Variants in APC observed in about 807,000 individuals in gnomAD.
APC encodes adenomatous polyposis coli protein.
A neutral mutation model predicts 247.0 loss-of-function variants in APC; 72 were observed. The observed-to-expected ratio is 0.29, with a 90% CI of 0.24 to 0.35. The LOEUF is 0.35. Among genes scored for constraint, APC ranks in the 10% least tolerant of loss-of-function variants. The pLI is 1.00. For synonymous variants in APC, 1,254 were observed against 1,162.5 expected, an observed-to-expected ratio of 1.08 and a Z score of -1.60; for missense variants, 3,400 against 3,360.7, an observed-to-expected ratio of 1.01 and a Z score of -0.29.
intron 1 of APC, among the ~76,000 whole-genome samples, chr5:112,745,677 AC>A (rs1030012226): frequency 2.0e-5 from 3 of 149,112 alleles, no homozygotes; most frequent in Admixed American, 1.3e-4. Context: ...TGTCTTAGCG[AC>A]CCCCCCACCC....
intron 11 of APC, among the ~76,000 whole-genome samples, chr5:112,826,142 TC>T (rs201932449): frequency 0.056 from 8,517 of 152,266 alleles, 444 homozygotes; most frequent in East Asian, 0.15. Context: ...ACTTCCCAGA[TC>T]ACTTATTAAA....
At chr5:112,737,176 A>G (rs1207580115), upstream of APC, among the ~76,000 whole-genome samples, 1 of 152,156 alleles carries the variant, frequency 6.6e-6, no homozygotes, top group African/African-American at 2.4e-5. Flanking sequence ...TGTGTCAGGG[A>G]CTGCTCTAAA....
chr5:112,754,705 C>G (rs1461493289), intron 1 of APC, among the ~76,000 whole-genome samples, 168 bp from the exon 2 acceptor site: 1 of 152,168 alleles, frequency 6.6e-6, no homozygotes, highest in Non-Finnish European at 1.5e-5. Flanking sequence ...GTTTCATCCT[C>G]TTAGATGCTG....
intron 2 of APC, among the ~76,000 whole-genome samples, chr5:112,762,405 A>G (rs879573189): frequency 1.3e-5 from 2 of 152,230 alleles, no homozygotes; most frequent in East Asian, 1.9e-4. Context: ...GTGACATTCT[A>G]AATAATAGCC....
Position 112,819,195 on chromosome 5 carries a change from A to G in APC, c.1163A>G (p.His388Arg), listed in dbSNP as rs1580529980. ...EARARASAAL[H>R]NIIHSQPDDK... is the part of the protein sequence containing the mutation. ...CGGGCCAGGGCCAGTGCAGCACTCC[A>G]CAACATCATTCACTCACAGCCTGAT... The change falls in exon 10 of 16, where the codon CAC (histidine) becomes CGC (arginine). Residue 388 changes from histidine to arginine, a missense_variant. This residue lies in a region of APC where 199 missense variants were observed against 212.5 expected (regional missense o/e 0.94). Coordinates refer to ENST00000257430, the MANE Select transcript of APC (RefSeq NM_000038.6). 2 of 1,613,990 alleles carry G rather than the reference A, an allele frequency of 1.2e-6. No homozygotes were observed. The highest frequency in any genetic ancestry group is 1.3e-5 in the African/African-American group (1 of 75,024).
At chr5:112,731,736 T>G (rs1473622077) in intron 1 of APC, among the ~76,000 whole-genome samples, 1 of 152,196 alleles carries the variant, frequency 6.6e-6, no homozygotes, top group African/African-American at 2.4e-5. Flanking sequence ...TTTGATATAC[T>G]AAAACATTCT....
Position 112,707,669 on chromosome 5 carries a change from G to A in APC, c.-49G>A. ...TCCCAGGTACTGTTGTTGGCTGTTG[G>A]TGAGGAAGGTGAAGCACTCAGTTGC... On this transcript the variant is annotated 5_prime_UTR_variant, in exon 1 of 14. Transcript: ENST00000507379. 1 of 1,369,940 alleles carries A rather than the reference G, an allele frequency of 7.3e-7. No homozygotes were observed. The highest frequency in any genetic ancestry group is 9.6e-7 in the Non-Finnish European group (1 of 1,038,194). 84.9% of individuals were successfully genotyped at this position (1,369,940 alleles called of 1,614,324 possible).
chr5:112,767,910 C>T (rs750064264), intron 4 of APC, among the ~76,000 whole-genome samples: 5 of 152,204 alleles, frequency 3.3e-5, no homozygotes, highest in East Asian at 1.9e-4. Flanking sequence ...TATATTTATA[C>T]GTAGTTAAAA....
chr5:112,745,893 A>T (rs372510601), intron 1 of APC, among the ~76,000 whole-genome samples: 23 of 152,166 alleles, frequency 1.5e-4, no homozygotes, highest in East Asian at 5.8e-4. Flanking sequence ...AAGTAAACCA[A>T]AGGAAAATAA....
intron 2 of APC, among the ~76,000 whole-genome samples, chr5:112,764,924 G>A (rs1756101893): frequency 6.6e-6 from 1 of 152,146 alleles, no homozygotes; most frequent in African/African-American, 2.4e-5. Context: ...TTATCACTGA[G>A]CAAATTTGTT....
chr5:112,737,862 T>C (rs1752501390), upstream of APC: 1 of 985,542 alleles, frequency 1.0e-6, no homozygotes. Flanking sequence ...TGTGGCTGTA[T>C]TGGTGCAGCC....
rs1489564235 is a variant in APC, at chr5:112,840,646, T to C, written c.5052T>C (p.Phe1684=). 1 of 1,614,010 alleles carries C rather than the reference T, an allele frequency of 6.2e-7. No individual in the cohort carries two copies. The highest frequency in any genetic ancestry group is 2.2e-5 in the East Asian group (1 of 44,866). ...GAGGAGGGGCACAGTCAGGTGAATT[T>C]GAAAAACGAGATACCATTCCTACAG... ...GVRGGAQSGE[F]EKRDTIPTEG... The change falls in exon 16 of 16, where the codon TTT becomes TTC. Residue 1684 remains phenylalanine, a synonymous_variant. Transcript: ENST00000257430. The surrounding 1 kb of genome is among the most constrained non-coding windows in gnomAD (Gnocchi z 4.1).
At chr5:112,710,414 C>G (rs1344928551) in intron 1 of APC, among the ~76,000 whole-genome samples, 1 of 152,174 alleles carries the variant, frequency 6.6e-6, no homozygotes, top group Non-Finnish European at 1.5e-5. Context: ...ATATATATCT[C>G]AGAGGAAGAA....
At chr5:112,820,082 A>C (rs1238114445) in intron 10 of APC, among the ~76,000 whole-genome samples, 1 of 152,008 alleles carries the variant, frequency 6.6e-6, no homozygotes, top group East Asian at 1.9e-4. Context: ...GCAGCATGGG[A>C]GTTAGGACCT....
chr5:112,792,481 C>G lies in APC; in HGVS notation c.681C>G (p.Asp227Glu), dbSNP rs1060503359. 1.9e-6 allele frequency: 3 copies of G among 1,612,326 alleles called. No individual in the cohort carries two copies. Among genetic ancestry groups the G allele is most frequent in the Non-Finnish European group, 2.5e-6 (3 of 1,178,982 alleles). The change falls in exon 7 of 16, where the codon GAC becomes GAG. Residue 227 changes from aspartate (D) to glutamate (E), a missense_variant. Coordinates refer to ENST00000257430, the MANE Select transcript of APC (RefSeq NM_000038.6). ...CCAGAATTCAGCAAATCGAAAAGGA[C>G]ATACTTCGTATACGACAGCTTTTAC... ...RIARIQQIEK[D>E]ILRIRQLLQS...
chr5:112,792,304 G>T lies in APC; in HGVS notation c.646-142G>T, dbSNP rs534478626. ...ACTGACCCCAATTTGTTATTAAAGG[G>T]TGAATATATTTATATGTCTAGCTTT... On this transcript the variant is annotated intron_variant, in intron 6 of 15. Transcript: ENST00000257430. The T allele has an allele frequency of 1.2e-4, 68 of 552,656 alleles. 1 individual carries two copies. Among genetic ancestry groups the T allele is most frequent in the African/African-American group, 8.5e-4 (44 of 51,632 alleles). The allele number at this position is 552,656 out of a possible 1,614,324, so 34.2% of individuals were successfully genotyped here.
At chr5:112,734,721 A>T (rs1169647810), upstream of APC, among the ~76,000 whole-genome samples, 1 of 152,038 alleles carries the variant, frequency 6.6e-6, no homozygotes, top group Non-Finnish European at 1.5e-5. Flanking sequence ...TTTTAAACCA[A>T]AAGTCTTAAA....
rs1561615959 is a variant in APC, at chr5:112,843,087, C to T, written c.7493C>T (p.Ser2498Phe). The T allele has an allele frequency of 6.2e-7, 1 of 1,614,088 alleles. No individual in the cohort carries two copies. Among genetic ancestry groups the T allele is most frequent in the Non-Finnish European group, 8.5e-7 (1 of 1,179,918 alleles). ...GATATGTCTCTATCCACACATTCGT[C>T]TGTTCAGGCTGGTGGATGGCGAAAA... Reference protein sequence around the residue: ...LPDMSLSTHSSVQAGGWRKLP... With the variant: ...LPDMSLSTHSFVQAGGWRKLP... The change falls in exon 16 of 16, where the codon TCT (serine) becomes TTT (phenylalanine). Residue 2498 changes from serine to phenylalanine, a missense_variant. By Grantham distance (155) the Ser-to-Phe change is radical (BLOSUM62 -2). Transcript: ENST00000257430. This position sits in a 1 kb window ranked among gnomAD's most constrained non-coding sequence, Gnocchi z 4.8.
At position 112,764,725 on chromosome 5, in the gene APC, C is replaced by A. The variant is rs530228436; in HGVS notation, c.136-1601C>A. ...AGTTGTTGAATTGTGAGACCGGAAG[C>A]CTGAGAAATAAGGATAAGATTAAAA... is the stretch of plus-strand genomic sequence containing the variant. On this transcript the variant is annotated intron_variant, in intron 2 of 15. Transcript: ENST00000257430. Among the ~76,000 whole-genome samples, 4 of 152,066 alleles carry A rather than the reference C, an allele frequency of 2.6e-5. No homozygotes were observed. In the South Asian group the frequency reaches 8.3e-4, roughly 32 times the overall value.
Sources: gnomAD v4.1 joint callset for allele counts (sites outside exome capture counted in the v4.1 genomes callset) on GRCh38, gnomAD v4.1.1 for gene constraint, gnomAD v4.1.1 regional missense constraint, Gnocchi (gnomAD v3.1) non-coding constraint, MANE v1.5 for transcripts, NCBI Gene and HGNC (gene_info 2026-07-23, HGNC 2026-07-21) for gene names.